RHOB: variants seen among roughly 807,000 people sequenced by gnomAD.
The protein encoded by RHOB is ras homolog family member B.
A neutral mutation model predicts 12.9 loss-of-function variants in RHOB; 6 were observed. The ratio of observed to expected loss-of-function variants is 0.47; its 90% CI spans 0.25 to 0.92. The LOEUF (loss-of-function observed/expected upper bound fraction) is 0.92. Among genes scored for constraint, RHOB ranks in the 40% least tolerant of loss-of-function variants. The probability of loss-of-function intolerance (pLI) is 0.16; values close to 1 mark genes in which losing one functional copy is unlikely to be tolerated. For missense variants in RHOB, 142 were observed against 277.9 expected (o/e 0.51, Z 3.48); for synonymous variants, 168 against 122.1 (o/e 1.38, Z -2.48).
At position 20,447,926 on chromosome 2, in the gene RHOB, A is replaced by G. The variant is rs769194384; in HGVS notation, c.461A>G (p.Tyr154Cys). 3.1e-6 allele frequency: 5 copies of G among 1,613,062 alleles called. No individual in the cohort carries two copies. In the East Asian group the frequency reaches 1.1e-4, roughly 36 times the overall value. Residue 154 changes from tyrosine to cysteine, a missense_variant, in exon 1 of 1, where the codon TAC (tyrosine) becomes TGC (cysteine). By Grantham distance (194) the Tyr-to-Cys change is radical. Around this residue, in one of 2 missense-constraint regions of RHOB, gnomAD observed 113 missense variants for 166.3 expected, o/e 0.68. Coordinates refer to ENST00000272233, the MANE Select transcript of RHOB (RefSeq NM_004040.4). The part of the protein sequence containing the change: ...GRAMAVRIQA[Y>C]DYLECSAKTK... ...GCCATGGCCGTGCGCATCCAAGCCTACGACTACCTCGAGTGCTCTGCCAAG... is the reference window on the plus strand; with the variant it reads ...GCCATGGCCGTGCGCATCCAAGCCTGCGACTACCTCGAGTGCTCTGCCAAG...
rs1487044967 is a variant in RHOB, at chr2:20,448,010, G to A, written c.545G>A (p.Arg182His). Residue 182 changes from arginine to histidine, a missense_variant, in exon 1 of 1, where the codon CGC (arginine) becomes CAC (histidine). Physicochemically the swap from Arg to His is conservative, Grantham distance 29 (BLOSUM62 0). This residue lies in a region of RHOB where 113 missense variants were observed against 166.3 expected (regional missense o/e 0.68). Coordinates refer to ENST00000272233, the MANE Select transcript of RHOB (RefSeq NM_004040.4). ...GCCACGCGCGCCGCGCTGCAGAAGC[G>A]CTACGGCTCCCAGAACGGCTGCATC... Reference protein sequence around the residue: ...ETATRAALQKRYGSQNGCINC... With the variant: ...ETATRAALQKHYGSQNGCINC... 1.9e-6 allele frequency: 3 copies of A among 1,612,424 alleles called. No homozygotes were observed. The highest frequency in any genetic ancestry group is 1.3e-5 in the African/African-American group (1 of 74,930).
At position 20,448,099 on chromosome 2, in the gene RHOB, C is replaced by G. The variant is rs1062192; in HGVS notation, c.*43C>G. 70 of 1,518,552 alleles carry G rather than the reference C, an allele frequency of 4.6e-5. No individual in the cohort carries two copies. The highest frequency in any genetic ancestry group is 5.3e-5 in the Non-Finnish European group (59 of 1,113,926). 94.1% of individuals were successfully genotyped at this position (1,518,552 alleles called of 1,614,324 possible). ...CCTGCCCCTGCCGGCACGGCTCCCC[C>G]TCCTGGACCAGTCCCCCGCGAGCCC... On this transcript the variant is annotated 3_prime_UTR_variant, in exon 1 of 1. Coordinates refer to ENST00000272233, the MANE Select transcript of RHOB (RefSeq NM_004040.4).
chr2:20,447,110 T>A lies in RHOB; in HGVS notation c.-356T>A. 1 of 221,976 alleles carries A rather than the reference T, an allele frequency of 4.5e-6. No individual in the cohort carries two copies. The highest frequency in any genetic ancestry group is 8.8e-6 in the Non-Finnish European group (1 of 113,782). The allele number at this position is 221,976 out of a possible 1,614,324, so 13.8% of individuals were successfully genotyped here. ...CAGTCTGGTTGGAGCTGTTGTCTTG[T>A]ATGCTCAGCGAGGCCCGGAGAGACC... On this transcript the variant is annotated 5_prime_UTR_variant, in exon 1 of 1. Coordinates refer to ENST00000272233, the MANE Select transcript of RHOB (RefSeq NM_004040.4).
At position 20,448,594 on chromosome 2, in the gene RHOB, A is replaced by G; in HGVS notation, c.*538A>G. On this transcript the variant is annotated 3_prime_UTR_variant, in exon 1 of 1. Coordinates refer to ENST00000272233, the MANE Select transcript of RHOB (RefSeq NM_004040.4). Reference sequence around the variant, plus strand: ...TTTCGGAGCTAAGATGGTGTTATTTAAGGGTGGTGATGGGTGAGCGCTCTG... The same window carrying G: ...TTTCGGAGCTAAGATGGTGTTATTTGAGGGTGGTGATGGGTGAGCGCTCTG... 1 of 167,650 alleles carries G rather than the reference A, an allele frequency of 6.0e-6. No homozygotes were observed. 10.4% of individuals were successfully genotyped at this position (167,650 alleles called of 1,614,324 possible).
chr2:20,447,303 G>C lies in RHOB; in HGVS notation c.-163G>C. The stretch of plus-strand genomic sequence containing the variant: ...CCCCCGCGCCCCCACCGCCCCCGCC[G>C]CGGCAGCCGAAGCGCAGCGAGAGAA... On this transcript the variant is annotated 5_prime_UTR_variant, in exon 1 of 1. Transcript: ENST00000272233. The C allele has an allele frequency of 2.1e-6, 1 of 482,276 alleles. No homozygotes were observed. The highest frequency in any genetic ancestry group is 2.0e-5 in the African/African-American group (1 of 49,018). The allele number at this position is 482,276 out of a possible 1,614,324, so 29.9% of individuals were successfully genotyped here.
chr2:20,447,184 C>G lies in RHOB; in HGVS notation c.-282C>G, dbSNP rs1019962816. ...ACCGCCCGAGTCTGCTGCCCGAGCCCGCGTTACGCACAAAGCCGCCGATCC... is the reference window on the plus strand; with the variant it reads ...ACCGCCCGAGTCTGCTGCCCGAGCCGGCGTTACGCACAAAGCCGCCGATCC... On this transcript the variant is annotated 5_prime_UTR_variant, in exon 1 of 1. Transcript: ENST00000272233. 13 of 321,090 alleles carry G rather than the reference C, an allele frequency of 4.0e-5. No individual in the cohort carries two copies. Among genetic ancestry groups the G allele is most frequent in the Non-Finnish European group, 6.2e-5 (11 of 177,794 alleles). 19.9% of individuals were successfully genotyped at this position (321,090 alleles called of 1,614,324 possible).
rs34358430 is a variant in RHOB, at chr2:20,449,172, ATTTT to A, written c.*1125_*1128del. On this transcript the variant is annotated 3_prime_UTR_variant, in exon 1 of 1. Transcript: ENST00000272233. ...AGGGCAGTAACAAGTATTGGGGCCT[ATTTT>A]TTTTTTTTCCACAAGGCATTCTCTA... 3.1e-5 allele frequency: 5 copies of A among 159,236 alleles called. No individual in the cohort carries two copies. Among genetic ancestry groups the A allele is most frequent in the South Asian group, 2.1e-4 (1 of 4,722 alleles). The allele number at this position is 159,236 out of a possible 1,614,324, so 9.9% of individuals were successfully genotyped here.
At position 20,448,072 on chromosome 2, in the gene RHOB, C is replaced by A. The variant is rs1376288063; in HGVS notation, c.*16C>A. ...GGTGCTATGAGGGCCGCGCCCGTCG[C>A]GCCTGCCCCTGCCGGCACGGCTCCC... On this transcript the variant is annotated 3_prime_UTR_variant, in exon 1 of 1. Transcript: ENST00000272233. 2 of 1,585,938 alleles carry A rather than the reference C, an allele frequency of 1.3e-6. No individual in the cohort carries two copies. Among genetic ancestry groups the A allele is most frequent in the Non-Finnish European group, 1.7e-6 (2 of 1,162,232 alleles).
rs1691039372 is a variant in RHOB, at chr2:20,448,203, C to T, written c.*147C>T. The T allele has an allele frequency of 2.7e-6, 2 of 745,346 alleles. No homozygotes were observed. The highest frequency in any genetic ancestry group is 1.9e-5 in the South Asian group (1 of 53,744). 46.2% of individuals were successfully genotyped at this position (745,346 alleles called of 1,614,324 possible). Reference sequence around the variant, plus strand: ...GTCTGCTGACGCCTCTGGCTTGCGCCAGGACTTGGCGTGGGCACCGGGCGC... The same window carrying T: ...GTCTGCTGACGCCTCTGGCTTGCGCTAGGACTTGGCGTGGGCACCGGGCGC... On this transcript the variant is annotated 3_prime_UTR_variant, in exon 1 of 1. Coordinates refer to ENST00000272233, the MANE Select transcript of RHOB (RefSeq NM_004040.4).
In RHOB at chr2:20,447,751, C is replaced by A; in HGVS notation, c.286C>A (p.Pro96Thr). The stretch of plus-strand genomic sequence containing the variant: ...CAGCCCGGACTCGCTGGAGAACATC[C>A]CCGAGAAGTGGGTCCCCGAGGTGAA... ...VDSPDSLENI[P>T]EKWVPEVKHF... is the part of the protein sequence containing the mutation. Residue 96 changes from proline (P) to threonine (T), a missense_variant, in exon 1 of 1, where the codon CCC (proline) becomes ACC (threonine). Pro to Thr is a conservative substitution (Grantham distance 38, BLOSUM62 -1). Around this residue, in one of 2 missense-constraint regions of RHOB, gnomAD observed 113 missense variants for 166.3 expected, o/e 0.68. Coordinates refer to ENST00000272233, the MANE Select transcript of RHOB (RefSeq NM_004040.4). 1 of 1,613,926 alleles carries A rather than the reference C, an allele frequency of 6.2e-7. No individual in the cohort carries two copies. The highest frequency in any genetic ancestry group is 8.5e-7 in the Non-Finnish European group (1 of 1,179,974).
At position 20,447,284 on chromosome 2, in the gene RHOB, CG is replaced by C. The variant is rs1463774436; in HGVS notation, c.-181del. The stretch of plus-strand genomic sequence containing the variant: ...ACGCACGGTGCGCCCTATGCCCCCG[CG>C]CCCCCACCGCCCCCGCCGCGGCAGC... On this transcript the variant is annotated 5_prime_UTR_variant, in exon 1 of 1. An upstream open reading frame in the 5' UTR loses its in-frame stop. Transcript: ENST00000272233. 4.5e-6 allele frequency: 2 copies of C among 445,218 alleles called. No homozygotes were observed. The highest frequency in any genetic ancestry group is 7.7e-6 in the Non-Finnish European group (2 of 259,362). 27.6% of individuals were successfully genotyped at this position (445,218 alleles called of 1,614,324 possible).
rs764345650 is a variant in RHOB at position 20,447,753 on chromosome 2, C to G, written c.288C>G (p.Pro96=). The G allele has an allele frequency of 1.2e-6, 2 of 1,613,828 alleles. No individual in the cohort carries two copies. Among genetic ancestry groups the G allele is most frequent in the South Asian group, 2.2e-5 (2 of 91,076 alleles). Residue 96 remains proline, a synonymous_variant, in exon 1 of 1, where the codon CCC becomes CCG. Transcript: ENST00000272233. ...GCCCGGACTCGCTGGAGAACATCCC[C>G]GAGAAGTGGGTCCCCGAGGTGAAGC... ...VDSPDSLENI[P]EKWVPEVKHF...
rs750231833 is a variant in RHOB, at chr2:20,447,727, A to T, written c.262A>T (p.Ser88Cys). The change falls in exon 1 of 1, where the codon AGC becomes TGC. Residue 88 changes from serine (S) to cysteine (C), a missense_variant. Physicochemically the swap from Ser to Cys is moderately radical, Grantham distance 112. This residue lies in a region of RHOB where 113 missense variants were observed against 166.3 expected (regional missense o/e 0.68). Coordinates refer to ENST00000272233, the MANE Select transcript of RHOB (RefSeq NM_004040.4). ...DVILMCFSVD[S>C]PDSLENIPEK... ...CATTCTCATGTGCTTCTCGGTGGAC[A>T]GCCCGGACTCGCTGGAGAACATCCC... The T allele has an allele frequency of 1.6e-5, 25 of 1,596,050 alleles. No homozygotes were observed. Among genetic ancestry groups the T allele is most frequent in the Non-Finnish European group, 2.0e-5 (23 of 1,171,234 alleles).
rs987540058 is a variant in RHOB at position 20,447,106 on chromosome 2, C to T, written c.-360C>T. The T allele has an allele frequency of 2.3e-5, 5 of 217,780 alleles. No homozygotes were observed. The highest frequency in any genetic ancestry group is 3.6e-5 in the Non-Finnish European group (4 of 111,186). 13.5% of individuals were successfully genotyped at this position (217,780 alleles called of 1,614,324 possible). A position where few individuals can be genotyped will look rare whatever the true frequency, so the allele number is the denominator to read the frequency against. ...ACCGCAGTCTGGTTGGAGCTGTTGTCTTGTATGCTCAGCGAGGCCCGGAGA... is the reference window on the plus strand; with the variant it reads ...ACCGCAGTCTGGTTGGAGCTGTTGTTTTGTATGCTCAGCGAGGCCCGGAGA... On this transcript the variant is annotated 5_prime_UTR_variant, in exon 1 of 1. Transcript: ENST00000272233.
At position 20,447,452 on chromosome 2, in the gene RHOB, G is replaced by A. The variant is rs202053864; in HGVS notation, c.-14G>A. The A allele has an allele frequency of 1.2e-4, 184 of 1,596,246 alleles. 1 individual carries two copies. The highest frequency in any genetic ancestry group is 1.7e-6 in the Non-Finnish European group (2 of 1,170,322). ...TTCGCGGGCCCCCTCCTGCTGCCCG[G>A]GCCCGGCCCGCTCATGGCGGCCATC... is the stretch of plus-strand genomic sequence containing the variant. On this transcript the variant is annotated 5_prime_UTR_variant, in exon 1 of 1. Coordinates refer to ENST00000272233, the MANE Select transcript of RHOB (RefSeq NM_004040.4).
At position 20,449,252 on chromosome 2, in the gene RHOB, C is replaced by G. The variant is rs1691065336; in HGVS notation, c.*1196C>G. 1.8e-5 allele frequency: 3 copies of G among 166,938 alleles called. No homozygotes were observed. In the Admixed American group the frequency reaches 2.0e-4, roughly 11 times the overall value. 10.3% of individuals were successfully genotyped at this position (166,938 alleles called of 1,614,324 possible). ...CTCTGTACAGAGAATACACCTGCCCCTGTATATCCTTTTTTCCCCTCCCCT... is the reference window on the plus strand; with the variant it reads ...CTCTGTACAGAGAATACACCTGCCCGTGTATATCCTTTTTTCCCCTCCCCT... On this transcript the variant is annotated 3_prime_UTR_variant, in exon 1 of 1. Transcript: ENST00000272233.
Position 20,447,933 on chromosome 2 carries a change from C to T in RHOB, c.468C>T (p.Tyr156=), listed in dbSNP as rs1691032199. The change falls in exon 1 of 1, where the codon TAC becomes TAT. Residue 156 remains tyrosine (Y), a synonymous_variant. Coordinates refer to ENST00000272233, the MANE Select transcript of RHOB (RefSeq NM_004040.4). The part of the protein sequence containing the change: ...AMAVRIQAYD[Y]LECSAKTKEG... ...CCGTGCGCATCCAAGCCTACGACTA[C>T]CTCGAGTGCTCTGCCAAGACCAAGG... 14 of 1,613,192 alleles carry T rather than the reference C, an allele frequency of 8.7e-6. No individual in the cohort carries two copies. Among genetic ancestry groups the T allele is most frequent in the East Asian group, 2.2e-5 (1 of 44,870 alleles).
In RHOB at chr2:20,447,211, C is replaced by T; in HGVS notation, c.-255C>T. 1 of 346,180 alleles carries T rather than the reference C, an allele frequency of 2.9e-6. No homozygotes were observed. The highest frequency in any genetic ancestry group is 5.2e-6 in the Non-Finnish European group (1 of 193,936). The allele number at this position is 346,180 out of a possible 1,614,324, so 21.4% of individuals were successfully genotyped here. ...CGTTACGCACAAAGCCGCCGATCCC[C>T]GGCCTGGGGTGAGCAGAGCGACCAC... On this transcript the variant is annotated 5_prime_UTR_variant, in exon 1 of 1. Coordinates refer to ENST00000272233, the MANE Select transcript of RHOB (RefSeq NM_004040.4).
rs532271403 is a variant in RHOB at position 20,448,836 on chromosome 2, C to T, written c.*780C>T. ...GCCATAAGCGAACTTTGTGCCTGTC[C>T]TAGAAGTGAAAATTGTTCAGTCCAA... On this transcript the variant is annotated 3_prime_UTR_variant, in exon 1 of 1. Coordinates refer to ENST00000272233, the MANE Select transcript of RHOB (RefSeq NM_004040.4). The T allele has an allele frequency of 6.0e-6, 1 of 167,122 alleles. No individual in the cohort carries two copies. The highest frequency in any genetic ancestry group is 1.5e-5 in the Non-Finnish European group (1 of 68,130). The allele number at this position is 167,122 out of a possible 1,614,324, so 10.4% of individuals were successfully genotyped here. A position where few individuals can be genotyped will look rare whatever the true frequency, so the allele number is the denominator to read the frequency against.
Sources: allele counts gnomAD v4.1 joint callset, GRCh38; gene constraint gnomAD v4.1.1; regional missense constraint gnomAD v4.1.1; transcripts MANE v1.5; gene names NCBI Gene and HGNC (gene_info 2026-07-23, HGNC 2026-07-21).